AIDA: variants seen among roughly 807,000 people sequenced by gnomAD.
AIDA encodes the protein axin interactor, dorsalization associated.
A neutral mutation model predicts 42.7 loss-of-function variants in AIDA; 18 were observed. The ratio of observed to expected loss-of-function variants is 0.42; its 90% CI spans 0.29 to 0.63. AIDA has a LOEUF of 0.63. AIDA is among the 20% of genes least tolerant of loss of function. The pLI is 0.19. For synonymous variants in AIDA, 104 were observed against 122.9 expected, an observed-to-expected ratio of 0.85 and a Z score of 1.02; for missense variants, 250 against 354.1, an observed-to-expected ratio of 0.71 and a Z score of 2.36.
chr1:222,675,333 T>A (rs1294185359), intron 7 of AIDA, among the ~76,000 whole-genome samples: 2 of 152,182 alleles, frequency 1.3e-5, no homozygotes, highest in South Asian at 4.2e-4. Context: ...TGTTAACTAC[T>A]TCATAAATAA....
chr1:222,695,398 G>A (rs191357657), intron 2 of AIDA, among the ~76,000 whole-genome samples: 6 of 152,214 alleles, frequency 3.9e-5, no homozygotes, highest in East Asian at 3.9e-4. Context: ...AGGCTGAGGC[G>A]GGAGAATCGC....
At chr1:222,683,495 T>C (rs1428841025) in intron 6 of AIDA, among the ~76,000 whole-genome samples, 1 of 152,178 alleles carries the variant, frequency 6.6e-6, no homozygotes, top group Admixed American at 6.5e-5. Context: ...TTATTTTGAG[T>C]TTCAAAAATA....
chr1:222,696,096 TC>T (rs747596640), intron 2 of AIDA, among the ~76,000 whole-genome samples: 5 of 152,160 alleles, frequency 3.3e-5, no homozygotes, highest in Admixed American at 6.5e-5. Flanking sequence ...TTAGTTTTAA[TC>T]CCAACACAAG....
At chr1:222,680,252 A>ATT (rs918822643) in intron 6 of AIDA, among the ~76,000 whole-genome samples, 1 of 149,740 alleles carries the variant, frequency 6.7e-6, no homozygotes, top group East Asian at 1.9e-4. Flanking sequence ...TCCATTTAGT[A>ATT]TTTTTTTTTT....
chr1:222,682,026 G>A (rs1402581776), intron 6 of AIDA, among the ~76,000 whole-genome samples: 1 of 152,238 alleles, frequency 6.6e-6, no homozygotes, highest in African/African-American at 2.4e-5. Flanking sequence ...GGACAATGGA[G>A]ATTACGGAGA....
intron 4 of AIDA, among the ~76,000 whole-genome samples, chr1:222,689,473 G>GTGTA (rs1553294327): frequency 2.7e-5 from 1 of 36,530 alleles, no homozygotes; most frequent in Non-Finnish European, 4.2e-5. Flanking sequence ...ATATGTATGT[G>GTGTA]TGTGTGTGTA....
intron 5 of AIDA, among the ~76,000 whole-genome samples, chr1:222,687,371 C>T (rs576729322): frequency 6.6e-6 from 1 of 152,176 alleles, no homozygotes; most frequent in Admixed American, 6.5e-5. Context: ...GCGGAGGTTG[C>T]AGTGAGCCGA....
At chr1:222,689,549 A>G (rs1359831420) in intron 4 of AIDA, among the ~76,000 whole-genome samples, 2 of 86,536 alleles carry the variant, frequency 2.3e-5, no homozygotes, top group Non-Finnish European at 5.1e-5. Flanking sequence ...ACATATATAT[A>G]CATATATATG....
chr1:222,699,824 T>C (rs934171166), intron 2 of AIDA, among the ~76,000 whole-genome samples: 1 of 151,448 alleles, frequency 6.6e-6, no homozygotes, highest in Middle Eastern at 3.2e-3. Flanking sequence ...CAGGCTGGAG[T>C]GCAGTGGTGC....
At chr1:222,706,389 TACTAGTA>T (rs1655838013) in intron 1 of AIDA, among the ~76,000 whole-genome samples, 1 of 152,166 alleles carries the variant, frequency 6.6e-6, no homozygotes, top group African/African-American at 2.4e-5. Context: ...AGGGCAGTAT[TACTAGTA>T]ACAGTCCAAA....
chr1:222,670,291 AT>A, intron 8 of AIDA, 41 bp from the exon 9 acceptor site: 1 of 1,492,270 alleles, frequency 6.7e-7, no homozygotes. Context: ...CAGATAGCAC[AT>A]TTCTTGTGTG....
rs762478525 is a variant in AIDA, at chr1:222,700,647, C to T, written c.180+2501G>A. On this transcript the variant is annotated intron_variant, in intron 2 of 9. Transcript: ENST00000340020. Reference sequence around the variant, plus strand: ...GGCGGGCGCCTTAGTCCCAGCTACTCGGGAGGCTGAGGCAGGAGAATGGCG... The same window carrying T: ...GGCGGGCGCCTTAGTCCCAGCTACTTGGGAGGCTGAGGCAGGAGAATGGCG... 3.8e-3 allele frequency among the ~76,000 whole-genome samples: 576 copies of T among 151,618 alleles called. 2 individuals are homozygous for T. Among genetic ancestry groups the T allele is most frequent in the Non-Finnish European group, 7.1e-3 (480 of 67,934 alleles).
chr1:222,705,180 A>C (rs925727667), intron 1 of AIDA, among the ~76,000 whole-genome samples: 6 of 152,208 alleles, frequency 3.9e-5, no homozygotes, highest in Admixed American at 3.3e-4. Flanking sequence ...CTATTCATTT[A>C]TTTCTTTTCT....
rs147608313 is a variant in AIDA, at chr1:222,701,177, G to A, written c.180+1971C>T. 1.8e-4 allele frequency among the ~76,000 whole-genome samples: 27 copies of A among 152,170 alleles called. No homozygotes were observed. In the East Asian group the frequency reaches 3.3e-3, roughly 19 times the overall value. On this transcript the variant is annotated intron_variant, in intron 2 of 9. Transcript: ENST00000340020. ...GGGGTTTCACCATGTTGCCCAGGCCGGTCTTGAACTCCTGGGCTGAAACAA... is the reference window on the plus strand; with the variant it reads ...GGGGTTTCACCATGTTGCCCAGGCCAGTCTTGAACTCCTGGGCTGAAACAA...
chr1:222,674,123 C>A (rs1480601394), intron 7 of AIDA, among the ~76,000 whole-genome samples: 2 of 152,082 alleles, frequency 1.3e-5, no homozygotes, highest in African/African-American at 4.8e-5. Context: ...ACCCTGTCAA[C>A]TACAGGGCGT....
intron 6 of AIDA, among the ~76,000 whole-genome samples, chr1:222,681,243 A>G (rs1664647720): frequency 1.3e-5 from 2 of 152,238 alleles, no homozygotes; most frequent in South Asian, 4.1e-4. Context: ...AAACGCTGAC[A>G]CTGTCAACTC....
intron 4 of AIDA, among the ~76,000 whole-genome samples, chr1:222,693,330 A>T (rs1655425869): frequency 6.6e-6 from 1 of 152,188 alleles, no homozygotes; most frequent in Admixed American, 6.5e-5. Context: ...CTAACCATCA[A>T]AACATTTGAA....
chr1:222,700,972 G>GC (rs955294944), intron 2 of AIDA, among the ~76,000 whole-genome samples: 1 of 34,384 alleles, frequency 2.9e-5, no homozygotes, highest in East Asian at 4.4e-4. Context: ...GATTTTTTTT[G>GC]GGGGGGGGGG....
chr1:222,671,052 C>CCA (rs1664438935), intron 8 of AIDA, among the ~76,000 whole-genome samples: 1 of 151,832 alleles, frequency 6.6e-6, no homozygotes, highest in African/African-American at 2.4e-5. Flanking sequence ...TGGTAAGACC[C>CCA]CACCTCTACA....
Sources: gnomAD v4.1 joint callset for allele counts (sites outside exome capture counted in the v4.1 genomes callset) on GRCh38, gnomAD v4.1.1 for gene constraint, MANE v1.5 for transcripts, NCBI Gene and HGNC (gene_info 2026-07-23, HGNC 2026-07-21) for gene names.